KALRN: variants seen among roughly 807,000 people sequenced by gnomAD.
KALRN encodes the protein kalirin RhoGEF kinase, also known as kalirin.
KALRN carries 70 observed loss-of-function variants against 353.7 expected under a neutral mutation model. That is an observed-to-expected ratio of 0.20 (90% confidence interval 0.16 to 0.24). The LOEUF is 0.24. KALRN is among the 10% of genes least tolerant of loss of function. The pLI is 1.00. For missense variants in KALRN, 2,791 were observed against 3,756.7 expected (o/e 0.74, Z 6.72); for synonymous variants, 1,391 against 1,434.8 (o/e 0.97, Z 0.69).
At chr3:124,302,955 C>A (rs1231294317) in intron 6 of KALRN, among the ~76,000 whole-genome samples, 2 of 152,174 alleles carry the variant, frequency 1.3e-5, no homozygotes, top group Non-Finnish European at 2.9e-5. Flanking sequence ...TATTTAAACA[C>A]CCTATCTTCA....
chr3:124,193,043 A>G (rs1036603850), intron 1 of KALRN, among the ~76,000 whole-genome samples: 7 of 152,190 alleles, frequency 4.6e-5, no homozygotes, highest in Admixed American at 2.0e-4. Flanking sequence ...GACCTGACCT[A>G]GAATCTATCT....
chr3:124,520,420 T>C (rs2067067937), intron 33 of KALRN, among the ~76,000 whole-genome samples: 1 of 152,172 alleles, frequency 6.6e-6, no homozygotes, highest in African/African-American at 2.4e-5. Context: ...GTAGATATTT[T>C]GAGAAACACT....
chr3:124,444,622 A>AC (rs1239349204), intron 19 of KALRN, among the ~76,000 whole-genome samples: 3 of 148,276 alleles, frequency 2.0e-5, no homozygotes, highest in African/African-American at 7.6e-5. Flanking sequence ...ACATAGTGAG[A>AC]CCCCCATCTC....
At chr3:124,423,855 T>C (rs1701163719) in intron 15 of KALRN, among the ~76,000 whole-genome samples, 2 of 152,196 alleles carry the variant, frequency 1.3e-5, no homozygotes, top group Admixed American at 6.5e-5. Context: ...TGGATGACAG[T>C]GCAAGACCCT....
intron 34 of KALRN, among the ~76,000 whole-genome samples, chr3:124,626,345 G>C (rs746890650): frequency 6.6e-6 from 1 of 152,112 alleles, no homozygotes; most frequent in Non-Finnish European, 1.5e-5. Context: ...AACATAAAAG[G>C]CTTCAACTAT....
intron 34 of KALRN, among the ~76,000 whole-genome samples, chr3:124,614,566 T>TC (rs1297894578): frequency 2.5e-5 from 1 of 40,066 alleles, no homozygotes; most frequent in Non-Finnish European, 3.9e-5. Flanking sequence ...GGCTTTTTTC[T>TC]TTTTTTTTTT....
intron 2 of KALRN, among the ~76,000 whole-genome samples, chr3:124,231,776 G>A (rs1045011546): frequency 6.6e-6 from 1 of 151,416 alleles, no homozygotes; most frequent in African/African-American, 2.4e-5. Flanking sequence ...AAATTTATGT[G>A]TCTGTGATGC....
intron 37 of KALRN, among the ~76,000 whole-genome samples, chr3:124,643,361 G>T (rs2150006002): frequency 6.6e-6 from 1 of 152,078 alleles, no homozygotes; most frequent in East Asian, 1.9e-4. Context: ...AATGTCATTG[G>T]CCTGGAAAAT....
chr3:124,484,795 GCTT>G (rs2062374406), intron 28 of KALRN, among the ~76,000 whole-genome samples: 1 of 152,186 alleles, frequency 6.6e-6, no homozygotes, highest in South Asian at 2.1e-4. Flanking sequence ...CCCACTTGAT[GCTT>G]GGCCTTTTAA....
At chr3:124,183,000 G>C (rs1298800045) in intron 1 of KALRN, among the ~76,000 whole-genome samples, 1 of 152,134 alleles carries the variant, frequency 6.6e-6, no homozygotes, top group East Asian at 1.9e-4. Flanking sequence ...ACTGAATTGT[G>C]CCCTTCCCAA....
In KALRN at chr3:124,674,627, T is replaced by C. The variant is rs1260744605; in HGVS notation, c.7193+13T>C. On this transcript the variant is annotated intron_variant, in intron 49 of 59. Coordinates refer to ENST00000682506, the MANE Select transcript of KALRN (RefSeq NM_001388419.1). The stretch of plus-strand genomic sequence containing the variant: ...ACGGGAGCATCAAGTAAGTGCCTCG[T>C]TGGCTTCCCCGGGAGAGGAGTATGA... 2.6e-6 allele frequency: 4 copies of C among 1,567,368 alleles called. No homozygotes were observed. In the African/African-American group the frequency reaches 4.1e-5, roughly 16 times the overall value.
intron 34 of KALRN, among the ~76,000 whole-genome samples, chr3:124,600,915 A>T (rs2076734184): frequency 6.6e-6 from 1 of 152,232 alleles, no homozygotes; most frequent in Admixed American, 6.5e-5. Flanking sequence ...CCAGGGTAGA[A>T]TCATAAACAG....
intron 3 of KALRN, among the ~76,000 whole-genome samples, chr3:124,247,654 G>C (rs1054095622): frequency 1.3e-5 from 2 of 152,246 alleles, no homozygotes; most frequent in South Asian, 2.1e-4. Flanking sequence ...AGCTCCCACT[G>C]TCCCCCTGAC....
intron 9 of KALRN, among the ~76,000 whole-genome samples, chr3:124,337,192 A>G (rs1047255830): frequency 6.6e-6 from 1 of 152,144 alleles, no homozygotes; most frequent in African/African-American, 2.4e-5. Context: ...TTCCAATACT[A>G]TGTTGAATAG....
chr3:124,143,175 A>G (rs1220307217), intron 1 of KALRN, among the ~76,000 whole-genome samples: 4 of 152,032 alleles, frequency 2.6e-5, no homozygotes, highest in Non-Finnish European at 5.9e-5. Flanking sequence ...ATTATCCATA[A>G]TTCACCTCTC....
At chr3:124,384,146 C>G (rs1440947622) in intron 10 of KALRN, among the ~76,000 whole-genome samples, 1 of 152,078 alleles carries the variant, frequency 6.6e-6, no homozygotes. Context: ...CTGGAGAATA[C>G]CATGGTGTGT....
At chr3:124,477,391 C>G in intron 27 of KALRN, 57 bp downstream of exon 27, 1 of 1,270,992 alleles carries the variant, frequency 7.9e-7, no homozygotes, top group Non-Finnish European at 1.1e-6. Flanking sequence ...TGCTTCTCTG[C>G]TTTGGCATAA....
chr3:124,412,523 C>T (rs1390837527), intron 13 of KALRN, among the ~76,000 whole-genome samples: 1 of 152,196 alleles, frequency 6.6e-6, no homozygotes, highest in Non-Finnish European at 1.5e-5. Flanking sequence ...GTGGAATTAT[C>T]TAGTTCAGTA....
At chr3:124,559,919 C>T (rs946512297) in intron 33 of KALRN, among the ~76,000 whole-genome samples, 2 of 152,220 alleles carry the variant, frequency 1.3e-5, no homozygotes, top group African/African-American at 4.8e-5. Flanking sequence ...GTATCTAAAG[C>T]TTGAGCCCGG....
Sources: allele counts gnomAD v4.1 joint callset (sites outside exome capture counted in the v4.1 genomes callset), GRCh38; gene constraint gnomAD v4.1.1; transcripts MANE v1.5; gene names NCBI Gene and HGNC (gene_info 2026-07-23, HGNC 2026-07-21).